The following SMARCA4 variants were observed in gnomAD, a reference collection of about 807,000 sequenced individuals.
The protein encoded by SMARCA4 is SWI/SNF-related matrix-associated actin-dependent regulator of chromatin subfamily A member 4.
A neutral mutation model predicts 193.9 loss-of-function variants in SMARCA4; 31 were observed. That is an observed-to-expected ratio of 0.16 (90% confidence interval 0.12 to 0.22). The LOEUF is 0.22. SMARCA4 is among the 10% of genes least tolerant of loss of function. SMARCA4 has a pLI of 1.00. For synonymous variants in SMARCA4, 942 were observed against 933.1 expected, an observed-to-expected ratio of 1.01 and a Z score of -0.17; for missense variants, 1,148 against 2,296.0, an observed-to-expected ratio of 0.50 and a Z score of 10.22.
At chr19:11,026,914 T>A (rs1220085077) in intron 23 of SMARCA4, among the ~76,000 whole-genome samples, 1 of 152,190 alleles carries the variant, frequency 6.6e-6, no homozygotes, top group Non-Finnish European at 1.5e-5. Context: ...GCTCTGTGAC[T>A]CTAGACAGCT....
At chr19:11,022,794 C>G (rs1264520153) in intron 19 of SMARCA4, among the ~76,000 whole-genome samples, 3 of 152,134 alleles carry the variant, frequency 2.0e-5, no homozygotes, top group African/African-American at 7.2e-5. Context: ...GAGGCATTCC[C>G]CAAAGCCTCG....
rs192275500 is a variant in SMARCA4 at position 11,008,771 on chromosome 19, C to T, written c.2123+748C>T. Among the ~76,000 whole-genome samples the T allele has an allele frequency of 1.0e-3, 159 of 151,742 alleles. 1 individual carries two copies. The highest frequency in any genetic ancestry group is 3.6e-3 in the African/African-American group (149 of 41,378). On this transcript the variant is annotated intron_variant, in intron 14 of 34. Transcript: ENST00000344626. The stretch of plus-strand genomic sequence containing the variant: ...GGTGGATCACTTGAGGTCAGGAGTT[C>T]AAGACCAGCCTGGCCAACTTGGTGA...
chr19:10,995,334 A>G (rs899024539), intron 9 of SMARCA4: 15 of 512,446 alleles, frequency 2.9e-5, no homozygotes, highest in Non-Finnish European at 5.7e-5. Context: ...ATCTCTGACC[A>G]TTTATTTGTG....
At chr19:11,011,495 G>A (rs2088842340) in intron 15 of SMARCA4, among the ~76,000 whole-genome samples, 2 of 152,184 alleles carry the variant, frequency 1.3e-5, no homozygotes, top group African/African-American at 4.8e-5. Context: ...AAAGTGCTGG[G>A]ATTACAGATG....
At chr19:10,993,399 C>T (rs953534560) in intron 8 of SMARCA4, among the ~76,000 whole-genome samples, 2 of 152,228 alleles carry the variant, frequency 1.3e-5, no homozygotes, top group African/African-American at 4.8e-5. Flanking sequence ...TGTTTGAGGA[C>T]ATGCAGCATG....
intron 30 of SMARCA4, among the ~76,000 whole-genome samples, chr19:11,057,194 G>T (rs1264024359): frequency 1.1e-4 from 16 of 152,232 alleles, no homozygotes; most frequent in Admixed American, 7.2e-4. Context: ...GAGCGCGTTT[G>T]CCATGCGTTC....
chr19:10,969,464 CTT>C (rs1344682726), intron 1 of SMARCA4, among the ~76,000 whole-genome samples: 1 of 150,652 alleles, frequency 6.6e-6, no homozygotes, highest in African/African-American at 2.4e-5. Context: ...GAGTTTGTCT[CTT>C]GTTGCCCAGG....
chr19:11,014,015 C>A (rs1458563787), intron 16 of SMARCA4, among the ~76,000 whole-genome samples: 1 of 152,200 alleles, frequency 6.6e-6, no homozygotes, highest in Non-Finnish European at 1.5e-5. Context: ...AGGGCCGGCT[C>A]TTACTGGTCC....
intron 16 of SMARCA4, among the ~76,000 whole-genome samples, chr19:11,013,760 C>T (rs926683021): frequency 6.6e-6 from 1 of 152,174 alleles, no homozygotes; most frequent in African/African-American, 2.4e-5. Flanking sequence ...TCTCTACTTC[C>T]TCACTGTGCA....
rs2089849690 is a variant in SMARCA4 at position 11,021,353 on chromosome 19, A to C, written c.2617-372A>C. The stretch of plus-strand genomic sequence containing the variant: ...ACCCAGTTCCCCTGAGACCCTCCAC[A>C]CCAGCAGGACAAGTCCCCCAGTCAG... On this transcript the variant is annotated intron_variant, in intron 18 of 34. Coordinates refer to ENST00000344626, the MANE Select transcript of SMARCA4 (RefSeq NM_003072.5). The C allele has an allele frequency of 1.1e-5, 4 of 372,760 alleles. No homozygotes were observed. The Admixed American group carries it at 1.4e-4, about 13-fold the overall frequency. 23.1% of individuals were successfully genotyped at this position (372,760 alleles called of 1,614,324 possible). A position where few individuals can be genotyped will look rare whatever the true frequency, so the allele number is the denominator to read the frequency against.
chr19:11,010,784 G>A (rs1483007099), intron 15 of SMARCA4: 1 of 528,878 alleles, frequency 1.9e-6, no homozygotes, highest in Non-Finnish European at 3.5e-6. Context: ...GGCAGAGTGG[G>A]AGCGATTTGC....
At position 10,987,715 on chromosome 19, in the gene SMARCA4, TC is replaced by T; in HGVS notation, c.914del (p.Pro305ArgfsTer21). On this transcript the variant is annotated frameshift_variant, in exon 6 of 35. Coordinates refer to ENST00000344626, the MANE Select transcript of SMARCA4 (RefSeq NM_003072.5). LOFTEE classifies it high-confidence loss of function. The surrounding 1 kb of genome is among the most constrained non-coding windows in gnomAD (Gnocchi z 5.3). ...CCACGAGCACCCCTCAGAAGCTGAT[TC>T]CCCCGCAGCCAACGGGCCGCCCTTC... Reference protein sequence around the residue: ...APTSTPQKLIPPQPTGRPSPA... With the variant: ...APTSTPQKLIXPQPTGRPSPA... The T allele has an allele frequency of 6.2e-7, 1 of 1,611,054 alleles. No homozygotes were observed. The highest frequency in any genetic ancestry group is 1.7e-5 in the Admixed American group (1 of 59,894).
At chr19:11,002,946 TG>T (rs2146090331) in intron 11 of SMARCA4, 82 bp from the exon 12 acceptor site, 2 of 1,508,790 alleles carry the variant, frequency 1.3e-6, no homozygotes, top group South Asian at 1.1e-5. Context: ...AACAGTTGAG[TG>T]GGTGCTTCCC....
intron 1 of SMARCA4, among the ~76,000 whole-genome samples, chr19:10,967,743 G>A (rs994709855): frequency 8.2e-5 from 12 of 147,142 alleles, no homozygotes; most frequent in East Asian, 2.0e-4. Context: ...GGAGTGCAGC[G>A]GTGTGATCTC....
At position 10,965,037 on chromosome 19, in the gene SMARCA4, G is replaced by A. The variant is rs560916054; in HGVS notation, c.-32+3863G>A. 3.3e-5 allele frequency among the ~76,000 whole-genome samples: 5 copies of A among 152,226 alleles called. No homozygotes were observed. The East Asian group carries it at 9.6e-4, about 29-fold the overall frequency. On this transcript the variant is annotated intron_variant, in intron 1 of 34. Transcript: ENST00000344626. ...TCCTGGTTTTGTCTTTCCATCCCTC[G>A]GTCATCAAGGCTGCCATGGCACAGA... is the stretch of plus-strand genomic sequence containing the variant.
intron 34 of SMARCA4, chr19:11,060,510 C>G (rs1478833147): frequency 6.1e-6 from 3 of 492,222 alleles, no homozygotes; most frequent in Non-Finnish European, 1.1e-5. Context: ...CAGGCCAGGG[C>G]TTGATTAGGG....
chr19:11,044,750 T>A (rs181466848), intron 30 of SMARCA4, among the ~76,000 whole-genome samples: 2 of 152,184 alleles, frequency 1.3e-5, no homozygotes, highest in African/African-American at 4.8e-5. Context: ...GAAGATAATA[T>A]TTTCTGAGGC....
chr19:11,003,428 C>G (rs2146110943), intron 13 of SMARCA4, 31 bp downstream of exon 13: 1 of 1,592,022 alleles, frequency 6.3e-7, no homozygotes, highest in South Asian at 1.1e-5. Flanking sequence ...TTTCAAGGCT[C>G]TCAGTGCCCA....
At chr19:11,006,017 C>T (rs953399565) in intron 13 of SMARCA4, among the ~76,000 whole-genome samples, 5 of 152,178 alleles carry the variant, frequency 3.3e-5, no homozygotes, top group Admixed American at 6.5e-5. Context: ...CCTAAAATGT[C>T]GGTGTTATTA....
Sources: allele counts gnomAD v4.1 joint callset (sites outside exome capture counted in the v4.1 genomes callset), GRCh38; gene constraint gnomAD v4.1.1; non-coding constraint Gnocchi (gnomAD v3.1); transcripts MANE v1.5; gene names NCBI Gene and HGNC (gene_info 2026-07-23, HGNC 2026-07-21).